Variants in FBRS observed in about 807,000 individuals in gnomAD.
FBRS encodes probable fibrosin-1.
A neutral mutation model predicts 86.1 loss-of-function variants in FBRS; 15 were observed. The observed-to-expected ratio is 0.17, with a 90% CI of 0.12 to 0.27. The LOEUF is 0.27. Ranked by LOEUF, FBRS falls within the 10% of genes least tolerant of loss-of-function variation. The pLI is 1.00. For synonymous variants in FBRS, 666 were observed against 575.8 expected (o/e 1.16, Z -2.24); for missense variants, 1,367 against 1,301.6 (o/e 1.05, Z -0.77).
chr16:30,668,813 C>T lies in FBRS; in HGVS notation c.2200C>T (p.Pro734Ser), dbSNP rs773293582. ...TGCCCAGAAAGAAAGCCCAGGGGCC[C>T]CACCAGCCTTCGCCTCCCCACCGGA... ...VFAQKESPGA[P>S]PAFASPPDPW... is the part of the protein sequence containing the mutation. The change falls in exon 17 of 18, where the codon CCA (proline) becomes TCA (serine). Residue 734 changes from proline (P) to serine (S), a missense_variant. This residue lies in a region of FBRS where 659 missense variants were observed against 678.8 expected (regional missense o/e 0.97). Coordinates refer to ENST00000356166, the MANE Select transcript of FBRS (RefSeq NM_001105079.3). 6.3e-7 allele frequency: 1 copy of T among 1,599,096 alleles called. No individual in the cohort carries two copies. Among genetic ancestry groups the T allele is most frequent in the Admixed American group, 1.7e-5 (1 of 59,238 alleles).
chr16:30,666,147 A>T, intron 11 of FBRS: 3 of 435,120 alleles, frequency 6.9e-6, no homozygotes, highest in Non-Finnish European at 1.2e-5. Flanking sequence ...TACAGGGAAG[A>T]CTAGGCCAGA....
In FBRS at chr16:30,660,335, G is replaced by C; in HGVS notation, c.532G>C (p.Gly178Arg). Residue 178 changes from glycine to arginine, a missense_variant, in exon 2 of 18, where the codon GGC (glycine) becomes CGC (arginine). Gly to Arg is a moderately radical substitution (Grantham distance 125). Around this residue, in one of 3 missense-constraint regions of FBRS, gnomAD observed 702 missense variants for 598.7 expected, o/e 1.17. Transcript: ENST00000356166. ...GCATTCTGGGAAGCGGAAAAGGGGG[G>C]GCTCCAGTGGGGCCACCGGGGAGCC... The part of the protein sequence containing the change: ...LKHSGKRKRG[G>R]SSGATGEPGD... 1 of 1,300,986 alleles carries C rather than the reference G, an allele frequency of 7.7e-7. No homozygotes were observed. Among genetic ancestry groups the C allele is most frequent in the Non-Finnish European group, 9.8e-7 (1 of 1,015,486 alleles). The allele number at this position is 1,300,986 out of a possible 1,614,324, so 80.6% of individuals were successfully genotyped here.
chr16:30,662,315 G>GCA, intron 4 of FBRS, 105 bp from the exon 5 acceptor site: 5 of 1,500,354 alleles, frequency 3.3e-6, no homozygotes, highest in Non-Finnish European at 4.5e-6. Flanking sequence ...GAACAGACTT[G>GCA]CCACTACCAC....
chr16:30,668,081 C>T, intron 15 of FBRS: 1 of 194,090 alleles, frequency 5.2e-6, no homozygotes, highest in Non-Finnish European at 1.0e-5. Context: ...TTCTGTCTGG[C>T]TGTGTGACGC....
At position 30,668,934 on chromosome 16, in the gene FBRS, C is replaced by A; in HGVS notation, c.2321C>A (p.Pro774His). ...ACTCCAGGCTCAGACAAGGAGCGGC[C>A]TGTGGAGCGGAGGGAGCCCTCCATC... The part of the protein sequence containing the change: ...ARTPGSDKER[P>H]VERREPSITK... Residue 774 changes from proline (P) to histidine (H), a missense_variant, in exon 17 of 18, where the codon CCT (proline) becomes CAT (histidine). This residue lies in a region of FBRS where 659 missense variants were observed against 678.8 expected (regional missense o/e 0.97). Coordinates refer to ENST00000356166, the MANE Select transcript of FBRS (RefSeq NM_001105079.3). The A allele has an allele frequency of 6.3e-7, 1 of 1,590,460 alleles. No homozygotes were observed. The highest frequency in any genetic ancestry group is 8.5e-7 in the Non-Finnish European group (1 of 1,171,066).
At position 30,667,547 on chromosome 16, in the gene FBRS, G is replaced by A. The variant is rs566035880; in HGVS notation, c.1999G>A (p.Val667Ile). The stretch of plus-strand genomic sequence containing the variant: ...CTCCCACCTCTCTGCCCCAGGTGCC[G>A]TCCACGCTGCAGCCAACCCTTTCAC... Reference protein sequence around the residue: ...PASLFTATGAVHAAANPFTAA... With the variant: ...PASLFTATGAIHAAANPFTAA... Residue 667 changes from valine to isoleucine, a missense_variant, in exon 15 of 18, where the codon GTC becomes ATC. Physicochemically the swap from Val to Ile is conservative, Grantham distance 29. Around this residue, in one of 3 missense-constraint regions of FBRS, gnomAD observed 659 missense variants for 678.8 expected, o/e 0.97. Transcript: ENST00000356166. 53 of 1,537,910 alleles carry A rather than the reference G, an allele frequency of 3.4e-5. No individual in the cohort carries two copies. The highest frequency in any genetic ancestry group is 6.9e-5 in the African/African-American group (5 of 72,610).
At chr16:30,662,396 C>G in intron 4 of FBRS, 24 bp from the exon 5 acceptor site, 1 of 1,550,176 alleles carries the variant, frequency 6.5e-7, no homozygotes, top group Non-Finnish European at 8.7e-7. Flanking sequence ...CAACCTAACT[C>G]TATCCCTTGC....
Position 30,664,939 on chromosome 16 carries a change from T to G in FBRS, c.1563+19T>G, listed in dbSNP as rs748773244. On this transcript the variant is annotated intron_variant, in intron 8 of 17. Transcript: ENST00000356166. Reference sequence around the variant, plus strand: ...CCACATGGTGAGCTCCTCATTGGGCTGGCGATGAGGCTCGGAGGCCTCTGG... The same window carrying G: ...CCACATGGTGAGCTCCTCATTGGGCGGGCGATGAGGCTCGGAGGCCTCTGG... 3.1e-5 allele frequency: 50 copies of G among 1,609,716 alleles called. No individual in the cohort carries two copies. The highest frequency in any genetic ancestry group is 4.2e-5 in the Non-Finnish European group (50 of 1,177,782).
Position 30,669,598 on chromosome 16 carries a change from C to G in FBRS, c.2896C>G (p.Pro966Ala), listed in dbSNP as rs1259852690. The change falls in exon 18 of 18, where the codon CCC becomes GCC. Residue 966 changes from proline to alanine, a missense_variant. By Grantham distance (27) the Pro-to-Ala change is conservative. Coordinates refer to ENST00000356166, the MANE Select transcript of FBRS (RefSeq NM_001105079.3). This position sits in a 1 kb window ranked among gnomAD's most constrained non-coding sequence, Gnocchi z 5.9. ...APPPLVPAPR[P>A]SSPPRGPGPA... Reference sequence around the variant, plus strand: ...ACCTCCGCTTGTGCCCGCCCCCCGGCCCAGTTCCCCACCTAGGGGCCCTGG... The same window carrying G: ...ACCTCCGCTTGTGCCCGCCCCCCGGGCCAGTTCCCCACCTAGGGGCCCTGG... 18 of 1,610,034 alleles carry G rather than the reference C, an allele frequency of 1.1e-5. No individual in the cohort carries two copies. Among genetic ancestry groups the G allele is most frequent in the Admixed American group, 1.7e-5 (1 of 59,936 alleles).
Position 30,670,095 on chromosome 16 carries a change from T to C in FBRS, c.*450T>C. 1 of 468,574 alleles carries C rather than the reference T, an allele frequency of 2.1e-6. No individual in the cohort carries two copies. The highest frequency in any genetic ancestry group is 4.3e-6 in the Non-Finnish European group (1 of 234,616). 29.0% of individuals were successfully genotyped at this position (468,574 alleles called of 1,614,324 possible). ...AAGGGGGGTTCCATGTACATATTTATCACCCCTTTCACATAGCCCCAAGAC... is the reference window on the plus strand; with the variant it reads ...AAGGGGGGTTCCATGTACATATTTACCACCCCTTTCACATAGCCCCAAGAC... On this transcript the variant is annotated 3_prime_UTR_variant, in exon 18 of 18. Transcript: ENST00000356166.
rs374788500 is a variant in FBRS at position 30,665,651 on chromosome 16, A to G, written c.1718A>G (p.Glu573Gly). 47 of 1,589,832 alleles carry G rather than the reference A, an allele frequency of 3.0e-5. No individual in the cohort carries two copies. The African/African-American group carries it at 5.9e-4, about 20-fold the overall frequency. ...GAFQPKSTNP[E>G]LPPRLGPVPS... ...CCCCTTTCCCAGAGCACGAACCCTGAGCTGCCACCACGACTGGGGCCGGTG... is the reference window on the plus strand; with the variant it reads ...CCCCTTTCCCAGAGCACGAACCCTGGGCTGCCACCACGACTGGGGCCGGTG... The change falls in exon 11 of 18, where the codon GAG (glutamate) becomes GGG (glycine). Residue 573 changes from glutamate to glycine, a missense_variant. By Grantham distance (98) the Glu-to-Gly change is moderately conservative (BLOSUM62 -2). Coordinates refer to ENST00000356166, the MANE Select transcript of FBRS (RefSeq NM_001105079.3). The surrounding 1 kb of genome is among the most constrained non-coding windows in gnomAD (Gnocchi z 4.1).
chr16:30,664,987 A>G, intron 8 of FBRS, 48 bp from the exon 9 acceptor site: 1 of 1,609,592 alleles, frequency 6.2e-7, no homozygotes, highest in Non-Finnish European at 8.5e-7. Context: ...TTCTGGGGGA[A>G]GGCCCGGGTC....
chr16:30,660,685 G>A (rs2052449372), intron 2 of FBRS: 3 of 592,950 alleles, frequency 5.1e-6, no homozygotes, highest in Admixed American at 7.8e-5. Context: ...AGGCGTCAAA[G>A]GAATATAGTT....
rs1000037008 is a variant in FBRS, at chr16:30,667,556, G to A, written c.2008G>A (p.Ala670Thr). 1 of 1,541,316 alleles carries A rather than the reference G, an allele frequency of 6.5e-7. No individual in the cohort carries two copies. Among genetic ancestry groups the A allele is most frequent in the Non-Finnish European group, 8.8e-7 (1 of 1,142,182 alleles). The change falls in exon 15 of 18, where the codon GCA (alanine) becomes ACA (threonine). Residue 670 changes from alanine (A) to threonine (T), a missense_variant. Ala to Thr is a moderately conservative substitution (Grantham distance 58). This residue lies in a region of FBRS where 659 missense variants were observed against 678.8 expected (regional missense o/e 0.97). Coordinates refer to ENST00000356166, the MANE Select transcript of FBRS (RefSeq NM_001105079.3). ...CTCTGCCCCAGGTGCCGTCCACGCT[G>A]CAGCCAACCCTTTCACGGCAGCTCC... is the stretch of plus-strand genomic sequence containing the variant. ...LFTATGAVHA[A>T]ANPFTAAPGA...
At position 30,668,785 on chromosome 16, in the gene FBRS, C is replaced by T; in HGVS notation, c.2172C>T (p.Val724=). ...CCCTCTGCCCAGACTCCGGCGCCGT[C>T]TTTGCCCAGAAAGAAAGCCCAGGGG... is the stretch of plus-strand genomic sequence containing the variant. ...LGSPTFNSGA[V]FAQKESPGAP... The change falls in exon 17 of 18, where the codon GTC becomes GTT. Residue 724 remains valine (V), a synonymous_variant. Transcript: ENST00000356166. 6.2e-7 allele frequency: 1 copy of T among 1,600,656 alleles called. No homozygotes were observed. The highest frequency in any genetic ancestry group is 1.3e-5 in the African/African-American group (1 of 74,974).
Position 30,664,889 on chromosome 16 carries a change from C to G in FBRS, c.1532C>G (p.Pro511Arg), listed in dbSNP as rs1355772584. 2.5e-6 allele frequency: 4 copies of G among 1,609,776 alleles called. No homozygotes were observed. The highest frequency in any genetic ancestry group is 3.4e-6 in the Non-Finnish European group (4 of 1,178,122). Residue 511 changes from proline to arginine, a missense_variant, in exon 8 of 18, where the codon CCG (proline) becomes CGG (arginine). Physicochemically the swap from Pro to Arg is moderately radical, Grantham distance 103. Transcript: ENST00000356166. ...CACCAGCACTTCACCCCTTATCCCCCGGGCCTGCTGCCACCCCACGGCCCC... is the reference window on the plus strand; with the variant it reads ...CACCAGCACTTCACCCCTTATCCCCGGGGCCTGCTGCCACCCCACGGCCCC... ...HTHQHFTPYPPGLLPPHGPHM... is the reference protein window; with the variant it reads ...HTHQHFTPYPRGLLPPHGPHM...
Position 30,659,816 on chromosome 16 carries a change from G to C in FBRS, c.298G>C (p.Ala100Pro). 6.6e-7 allele frequency: 1 copy of C among 1,517,906 alleles called. No homozygotes were observed. The allele number at this position is 1,517,906 out of a possible 1,614,324, so 94.0% of individuals were successfully genotyped here. A position where few individuals can be genotyped will look rare whatever the true frequency, so the allele number is the denominator to read the frequency against. Residue 100 changes from alanine to proline, a missense_variant, in exon 1 of 18, where the codon GCC becomes CCC. Physicochemically the swap from Ala to Pro is conservative, Grantham distance 27. This residue lies in a region of FBRS where 702 missense variants were observed against 598.7 expected (regional missense o/e 1.17). Coordinates refer to ENST00000356166, the MANE Select transcript of FBRS (RefSeq NM_001105079.3). The stretch of plus-strand genomic sequence containing the variant: ...GCGACCCCGAGCTCGGAAGCGGCCT[G>C]CCGGCTCGGGCAGCCGCGGGGAGGA... ...PPRPRARKRP[A>P]GSGSRGEEEE...
At chr16:30,668,491 C>A in intron 15 of FBRS, 69 bp from the exon 16 acceptor site, 1 of 1,436,638 alleles carries the variant, frequency 7.0e-7, no homozygotes, top group Non-Finnish European at 9.7e-7. Context: ...CTGCCTCTGC[C>A]CAGCCAGGCC....
rs569538632 is a variant in FBRS at position 30,669,652 on chromosome 16, C to CGG, written c.*15_*16dup. On this transcript the variant is annotated 3_prime_UTR_variant, in exon 18 of 18. Coordinates refer to ENST00000356166, the MANE Select transcript of FBRS (RefSeq NM_001105079.3). This position sits in a 1 kb window ranked among gnomAD's most constrained non-coding sequence, Gnocchi z 5.9. ...AGCTCGGGCTGACAGGTGAGGGGAACGGGGGGGGGTCGGGGCAAAGCTCCA... is the reference window on the plus strand; with the variant it reads ...AGCTCGGGCTGACAGGTGAGGGGAACGGGGGGGGGGGTCGGGGCAAAGCTCCA... The CGG allele has an allele frequency of 2.1e-5, 31 of 1,508,882 alleles. No individual in the cohort carries two copies. Among genetic ancestry groups the CGG allele is most frequent in the African/African-American group, 7.0e-5 (5 of 71,762 alleles). 93.5% of individuals were successfully genotyped at this position (1,508,882 alleles called of 1,614,324 possible).
Sources: gnomAD v4.1 joint callset for allele counts on GRCh38, gnomAD v4.1.1 for gene constraint, gnomAD v4.1.1 regional missense constraint, Gnocchi (gnomAD v3.1) non-coding constraint, MANE v1.5 for transcripts, NCBI Gene and HGNC (gene_info 2026-07-23, HGNC 2026-07-21) for gene names.